The following DMD variants were observed in gnomAD, a reference collection of about 807,000 sequenced individuals.
DMD encodes the protein mutant dystrophin.
DMD carries 63 observed loss-of-function variants against 330.1 expected under a neutral mutation model. The observed-to-expected ratio is 0.19, with a 90% confidence interval of 0.16 to 0.24. The LOEUF is 0.24. Ranked by LOEUF, DMD falls within the 10% of genes least tolerant of loss-of-function variation. The pLI is 1.00. For missense variants in DMD, 3,344 were observed against 2,684.1 expected (o/e 1.25, Z -5.43); for synonymous variants, 1,223 against 959.8 (o/e 1.27, Z -5.07).
chrX:32,581,757 A>C (rs937700068), intron 13 of DMD, among the ~76,000 whole-genome samples: 5 of 112,167 alleles, frequency 4.5e-5, no homozygotes, highest in Non-Finnish European at 7.5e-5. Context: ...AGCATATTAC[A>C]AGAAAGGAAA....
At chrX:32,684,881 C>A (rs1569453728) in intron 9 of DMD, among the ~76,000 whole-genome samples, 1 of 110,945 alleles carries the variant, frequency 9.0e-6, no homozygotes, top group Non-Finnish European at 1.9e-5. Flanking sequence ...ATAAATGTTA[C>A]TAATAATTTT....
chrX:32,819,622 T>C lies in DMD; in HGVS notation c.358-2982A>G, dbSNP rs6631650. Among the ~76,000 whole-genome samples the C allele has an allele frequency of 5.4e-3, 595 of 110,890 alleles. 30 individuals carry two copies. The East Asian group carries it at 0.14, about 26-fold the overall frequency. On this transcript the variant is annotated intron_variant, in intron 5 of 78. Coordinates refer to ENST00000357033, the MANE Select transcript of DMD (RefSeq NM_004006.3). ...GAAAAACAGTAATAGGAAAACAGAGTTTGCATTCCTGAGTTTTCACAAGTT... is the reference window on the plus strand; with the variant it reads ...GAAAAACAGTAATAGGAAAACAGAGCTTGCATTCCTGAGTTTTCACAAGTT...
At chrX:31,284,127 A>T (rs770826019) in intron 62 of DMD, among the ~76,000 whole-genome samples, 266 of 112,274 alleles carry the variant, frequency 2.4e-3, no homozygotes, top group Non-Finnish European at 4.1e-3. Flanking sequence ...TGAATAGCTC[A>T]TGTAATTTAT....
chrX:32,516,272 T>G (rs2148793272), intron 18 of DMD, among the ~76,000 whole-genome samples: 1 of 111,937 alleles, frequency 8.9e-6, no homozygotes, highest in South Asian at 3.7e-4. Context: ...TACATTGTAT[T>G]TAGCCTGAGG....
intron 43 of DMD, among the ~76,000 whole-genome samples, chrX:32,252,835 T>TATATATAA (rs1212842972): frequency 1.8e-5 from 1 of 56,119 alleles, no homozygotes; most frequent in African/African-American, 8.3e-5. Flanking sequence ...TATATATAAA[T>TATATATAA]ATATATAAAT....
intron 62 of DMD, among the ~76,000 whole-genome samples, chrX:31,269,636 T>A (rs2051461422): frequency 8.9e-6 from 1 of 112,197 alleles, no homozygotes; most frequent in Admixed American, 9.4e-5. Flanking sequence ...ATCTCACTGA[T>A]GGCTCAGAGC....
chrX:32,193,234 T>C (rs2096983828), intron 44 of DMD, among the ~76,000 whole-genome samples: 1 of 111,842 alleles, frequency 8.9e-6, no homozygotes, highest in Non-Finnish European at 1.9e-5. Flanking sequence ...AGTAAGTGTC[T>C]TTTCTCATCC....
chrX:32,304,292 C>T (rs949006176), intron 42 of DMD, among the ~76,000 whole-genome samples: 3 of 111,075 alleles, frequency 2.7e-5, no homozygotes, highest in African/African-American at 6.5e-5. Context: ...ACACTTTACA[C>T]GATGGGGATT....
chrX:33,192,591 A>G (rs1203980779), intron 1 of DMD, among the ~76,000 whole-genome samples: 7 of 112,299 alleles, frequency 6.2e-5, no homozygotes. Flanking sequence ...GACATATTAA[A>G]TGTGCTGAGA....
chrX:32,945,427 G>A (rs1283629931), intron 2 of DMD, among the ~76,000 whole-genome samples: 1 of 110,705 alleles, frequency 9.0e-6, no homozygotes, highest in Non-Finnish European at 1.9e-5. Context: ...GATTTACTTA[G>A]TACCAAGTTG....
chrX:32,413,885 G>A (rs1009479454), intron 29 of DMD, among the ~76,000 whole-genome samples: 1 of 108,433 alleles, frequency 9.2e-6, no homozygotes, highest in Admixed American at 1.0e-4. Context: ...CATGCCTGGC[G>A]AATTTTTGTA....
chrX:33,255,105 C>T (rs145937065), intron 1 of DMD, among the ~76,000 whole-genome samples: 1,238 of 110,622 alleles, frequency 0.011, 19 homozygotes, highest in African/African-American at 0.038. Flanking sequence ...AAAGTAAATT[C>T]TTGGTGTAAC....
At position 32,284,243 on chromosome X, in the gene DMD, C is replaced by T. The variant is rs755993320; in HGVS notation, c.6290+3286G>A. Reference sequence around the variant, plus strand: ...CTTTCTGTTAGTTGTAACTCAGAACCTTGAATGGTCTATAGACCTTGACTT... The same window carrying T: ...CTTTCTGTTAGTTGTAACTCAGAACTTTGAATGGTCTATAGACCTTGACTT... On this transcript the variant is annotated intron_variant, in intron 43 of 78. Transcript: ENST00000357033. 2.7e-5 allele frequency among the ~76,000 whole-genome samples: 3 copies of T among 111,699 alleles called. No homozygotes were observed. The South Asian group carries it at 1.1e-3, about 42-fold the overall frequency.
At chrX:32,127,998 T>A (rs2096670151) in intron 44 of DMD, among the ~76,000 whole-genome samples, 1 of 112,190 alleles carries the variant, frequency 8.9e-6, no homozygotes, top group Admixed American at 9.5e-5. Flanking sequence ...ACAAAGACCA[T>A]CCATTTTCTT....
chrX:31,617,288 G>T (rs182330003), intron 55 of DMD, among the ~76,000 whole-genome samples: 1 of 111,360 alleles, frequency 9.0e-6, no homozygotes, highest in African/African-American at 3.3e-5. Context: ...TAATCTCAGC[G>T]TTTTGGGAGG....
chrX:31,263,386 G>A (rs953246927), intron 62 of DMD, among the ~76,000 whole-genome samples: 1 of 112,387 alleles, frequency 8.9e-6, no homozygotes, highest in Non-Finnish European at 1.9e-5. Flanking sequence ...GAAATTTCAT[G>A]ACTGTTGGCA....
intron 30 of DMD, among the ~76,000 whole-genome samples, chrX:32,398,008 A>C (rs376600819): frequency 2.6e-4 from 29 of 111,199 alleles, no homozygotes; most frequent in African/African-American, 9.4e-4. Flanking sequence ...AGTAATTTTG[A>C]AAGAGCCAGT....
At chrX:31,929,791 A>C (rs2094830202) in intron 46 of DMD, 46 bp from the exon 47 acceptor site, 1 of 1,193,765 alleles carries the variant, frequency 8.4e-7, no homozygotes, top group African/African-American at 1.8e-5. Context: ...TTACAGCACA[A>C]TTCCAACTAC....
intron 53 of DMD, among the ~76,000 whole-genome samples, chrX:31,670,227 G>A (rs2081673182): frequency 9.0e-6 from 1 of 111,514 alleles, no homozygotes; most frequent in South Asian, 3.7e-4. Flanking sequence ...ACAAGGTCAT[G>A]TTGTCTGCAA....
Sources: allele counts gnomAD v4.1 joint callset (sites outside exome capture counted in the v4.1 genomes callset), GRCh38; gene constraint gnomAD v4.1.1; transcripts MANE v1.5; gene names NCBI Gene and HGNC (gene_info 2026-07-23, HGNC 2026-07-21).